CAST: variants seen among roughly 807,000 people sequenced by gnomAD.
CAST encodes the protein MIR583 host.
A neutral mutation model predicts 119.6 loss-of-function variants in CAST; 76 were observed. That is an observed-to-expected ratio of 0.64 (90% CI 0.53 to 0.77). CAST has a LOEUF of 0.77. Among genes scored for constraint, CAST ranks in the 30% least tolerant of loss-of-function variants. The probability of loss-of-function intolerance (pLI) is 0.00; values close to 1 mark genes in which losing one functional copy is unlikely to be tolerated. For synonymous variants in CAST, 319 were observed against 331.6 expected (o/e 0.96, Z 0.41); for missense variants, 953 against 946.5 (o/e 1.01, Z -0.09).
chr5:96,743,845 G>A, intron 16 of CAST: 2 of 842,662 alleles, frequency 2.4e-6, no homozygotes, highest in Non-Finnish European at 3.6e-6. Flanking sequence ...GAGGAAAGCG[G>A]GGTGTTGGCA....
At chr5:96,758,792 A>C (rs772246782) in intron 24 of CAST, among the ~76,000 whole-genome samples, 1 of 152,184 alleles carries the variant, frequency 6.6e-6, no homozygotes, top group Non-Finnish European at 1.5e-5. Context: ...ATCGTCTTCC[A>C]TACAGACCAC....
the CAST span, among the ~76,000 whole-genome samples, chr5:96,052,187 C>G: frequency 1.3e-5 from 2 of 152,140 alleles, no homozygotes; most frequent in South Asian, 4.1e-4. Context: ...CATTAGAAAG[C>G]AAAGAAGTAT....
intron 1 of CAST, among the ~76,000 whole-genome samples, chr5:96,635,594 C>T (rs565676490): frequency 5.3e-5 from 8 of 152,262 alleles, no homozygotes; most frequent in African/African-American, 1.7e-4. Context: ...CAGCAACATT[C>T]GCATCAGAAA....
At chr5:96,132,762 T>G in the CAST span, among the ~76,000 whole-genome samples, 1 of 152,148 alleles carries the variant, frequency 6.6e-6, no homozygotes, top group African/African-American at 2.4e-5. Flanking sequence ...TATAAATATT[T>G]ATAGCCAACC....
At chr5:96,054,880 C>T in the CAST span, among the ~76,000 whole-genome samples, 125 of 152,164 alleles carry the variant, frequency 8.2e-4, no homozygotes, top group African/African-American at 2.7e-3. Context: ...ATCATCTCAT[C>T]CCAGCTTTAG....
chr5:96,090,608 G>C, the CAST span, among the ~76,000 whole-genome samples: 1 of 146,650 alleles, frequency 6.8e-6, no homozygotes, highest in Non-Finnish European at 1.5e-5. Context: ...GGAAGAGGTT[G>C]AAAAATTTTT....
the CAST span, among the ~76,000 whole-genome samples, chr5:96,268,006 T>A: frequency 1.3e-5 from 2 of 152,194 alleles, no homozygotes; most frequent in Non-Finnish European, 2.9e-5. Flanking sequence ...TGTCATCTCT[T>A]TAAAATAACT....
the CAST span, among the ~76,000 whole-genome samples, chr5:96,097,427 A>G: frequency 2.0e-5 from 3 of 150,514 alleles, no homozygotes; most frequent in African/African-American, 7.3e-5. Flanking sequence ...TGTACAGATT[A>G]TTTCATCACC....
the CAST span, among the ~76,000 whole-genome samples, chr5:96,187,160 A>G: frequency 6.6e-6 from 1 of 151,968 alleles, no homozygotes; most frequent in Non-Finnish European, 1.5e-5. Context: ...GTATTCTCTA[A>G]TAGTTGTTTG....
chr5:96,190,399 A>C, the CAST span, among the ~76,000 whole-genome samples: 1 of 151,768 alleles, frequency 6.6e-6, no homozygotes, highest in African/African-American at 2.4e-5. Context: ...CCCTGTCTTC[A>C]CTCTCCCTGA....
chr5:96,663,837 T>A (rs764177296), intron 1 of CAST, among the ~76,000 whole-genome samples: 2 of 151,854 alleles, frequency 1.3e-5, no homozygotes, highest in Non-Finnish European at 2.9e-5. Flanking sequence ...ATTTGTTTGG[T>A]GCATTGAATG....
At chr5:96,756,290 A>G (rs1388720167) in intron 22 of CAST, among the ~76,000 whole-genome samples, 2 of 152,196 alleles carry the variant, frequency 1.3e-5, no homozygotes, top group Non-Finnish European at 2.9e-5. Context: ...CCAGAGTCCC[A>G]GGCATCACTT....
chr5:96,142,269 A>AC, the CAST span, among the ~76,000 whole-genome samples: 2 of 152,062 alleles, frequency 1.3e-5, no homozygotes, highest in African/African-American at 4.8e-5. Flanking sequence ...AAAATTAGTC[A>AC]AGCATGGTGG....
intron 1 of CAST, among the ~76,000 whole-genome samples, chr5:96,585,855 G>A (rs758743004): frequency 1.1e-4 from 17 of 152,162 alleles, no homozygotes; most frequent in Non-Finnish European, 1.3e-4. Flanking sequence ...AAATTTTCTC[G>A]TCTTTGGTGT....
At chr5:96,017,885 A>C in the CAST span, among the ~76,000 whole-genome samples, 1 of 152,206 alleles carries the variant, frequency 6.6e-6, no homozygotes, top group African/African-American at 2.4e-5. Context: ...AAAAATTTAT[A>C]TTAAAATTTA....
At chr5:96,443,280 T>A in the CAST span, among the ~76,000 whole-genome samples, 1 of 152,180 alleles carries the variant, frequency 6.6e-6, no homozygotes, top group Non-Finnish European at 1.5e-5. Flanking sequence ...AAAGTACATT[T>A]TAAAACCTTT....
At chr5:96,648,828 C>A (rs2150204632) in intron 1 of CAST, among the ~76,000 whole-genome samples, 1 of 152,090 alleles carries the variant, frequency 6.6e-6, no homozygotes, top group African/African-American at 2.4e-5. Flanking sequence ...GATTCTGAAG[C>A]CCTAGCTCTG....
At chr5:96,663,718 G>A (rs543640481) in intron 1 of CAST, among the ~76,000 whole-genome samples, 2 of 152,262 alleles carry the variant, frequency 1.3e-5, no homozygotes, top group South Asian at 4.1e-4. Flanking sequence ...CGGTGGAGGG[G>A]TGGAGGAAAG....
chr5:96,331,820 A>G, the CAST span, among the ~76,000 whole-genome samples: 14 of 152,324 alleles, frequency 9.2e-5, no homozygotes, highest in African/African-American at 3.4e-4. Flanking sequence ...AGAGATTACT[A>G]TGGATTAAAT....
Sources: allele counts gnomAD v4.1 joint callset (sites outside exome capture counted in the v4.1 genomes callset), GRCh38; gene constraint gnomAD v4.1.1; transcripts MANE v1.5; gene names NCBI Gene and HGNC (gene_info 2026-07-23, HGNC 2026-07-21).